The following CDK19 variants were observed in gnomAD, a reference collection of about 807,000 sequenced individuals.
CDK19 encodes cyclin-dependent kinase 19.
A neutral mutation model predicts 68.3 loss-of-function variants in CDK19; 20 were observed. That is an observed-to-expected ratio of 0.29 (90% CI 0.21 to 0.43). The LOEUF is 0.43. CDK19 is among the 20% of genes least tolerant of loss of function. CDK19 has a pLI of 1.00. For missense variants in CDK19, 339 were observed against 623.5 expected (o/e 0.54, Z 4.86); for synonymous variants, 221 against 222.8 (o/e 0.99, Z 0.07).
At chr6:110,747,896 C>T (rs1778191479) in intron 1 of CDK19, among the ~76,000 whole-genome samples, 1 of 152,180 alleles carries the variant, frequency 6.6e-6, no homozygotes, top group Non-Finnish European at 1.5e-5. Context: ...AGTGTCCCTC[C>T]TGTGCCTTAA....
At chr6:110,804,781 C>A (rs568715078) in intron 1 of CDK19, among the ~76,000 whole-genome samples, 1 of 150,784 alleles carries the variant, frequency 6.6e-6, no homozygotes, top group South Asian at 2.1e-4. Context: ...CGGTGAAACC[C>A]CGTCGCTACT....
At chr6:110,745,009 T>C (rs1777973025) in intron 2 of CDK19, among the ~76,000 whole-genome samples, 3 of 152,238 alleles carry the variant, frequency 2.0e-5, no homozygotes, top group Admixed American at 1.3e-4. Context: ...AATATAATTA[T>C]TTAACAATTA....
intron 2 of CDK19, among the ~76,000 whole-genome samples, chr6:110,690,311 G>A (rs188808422): frequency 4.4e-4 from 66 of 149,680 alleles, no homozygotes; most frequent in South Asian, 3.2e-3. Context: ...ATGAAGAAGC[G>A]CCCATCTGAT....
Position 110,635,759 on chromosome 6 carries a change from G to A in CDK19, c.514+2890C>T, listed in dbSNP as rs1031115332. ...TTCACCATGTTGGCCAGATGGTCTCGATCTCTTGACCTCATGATCTGCCCG... is the reference window on the plus strand; with the variant it reads ...TTCACCATGTTGGCCAGATGGTCTCAATCTCTTGACCTCATGATCTGCCCG... On this transcript the variant is annotated intron_variant, in intron 5 of 12. Coordinates refer to ENST00000368911, the MANE Select transcript of CDK19 (RefSeq NM_015076.5). Among the ~76,000 whole-genome samples, 24 of 152,202 alleles carry A rather than the reference G, an allele frequency of 1.6e-4. No individual in the cohort carries two copies. The Middle Eastern group carries it at 0.01, about 65-fold the overall frequency.
chr6:110,740,619 C>T (rs1348346517), intron 2 of CDK19, among the ~76,000 whole-genome samples: 1 of 152,140 alleles, frequency 6.6e-6, no homozygotes, highest in Non-Finnish European at 1.5e-5. Flanking sequence ...AACTTATTTT[C>T]CCAGCATCCC....
chr6:110,773,420 CT>C (rs1283882094), intron 1 of CDK19, among the ~76,000 whole-genome samples: 2 of 152,090 alleles, frequency 1.3e-5, no homozygotes, highest in Non-Finnish European at 2.9e-5. Flanking sequence ...CAAATGGGAC[CT>C]ATAGCATGAA....
chr6:110,705,857 G>C (rs1422519058), intron 2 of CDK19, among the ~76,000 whole-genome samples: 1 of 152,124 alleles, frequency 6.6e-6, no homozygotes, highest in African/African-American at 2.4e-5. Context: ...CTTGTCAGGG[G>C]TAGGGAGCAG....
chr6:110,787,310 T>C (rs1043585621), intron 1 of CDK19, among the ~76,000 whole-genome samples: 3 of 152,038 alleles, frequency 2.0e-5, no homozygotes, highest in Admixed American at 6.6e-5. Context: ...GGAGGCAGAG[T>C]TTGCAGTGAG....
intron 12 of CDK19, among the ~76,000 whole-genome samples, chr6:110,619,750 G>C (rs1450509963): frequency 1.3e-5 from 2 of 151,840 alleles, no homozygotes; most frequent in African/African-American, 4.8e-5. Flanking sequence ...CTGCTCTTTG[G>C]CTATACCTCT....
Position 110,610,501 on chromosome 6 carries a change from T to C in CDK19, c.*4034A>G, listed in dbSNP as rs921088494. On this transcript the variant is annotated 3_prime_UTR_variant, in exon 13 of 13. Coordinates refer to ENST00000368911, the MANE Select transcript of CDK19 (RefSeq NM_015076.5). Reference sequence around the variant, plus strand: ...AGGGTTTTTTTTTTTATATAATACATACATATCACCCCTTTGCAGTGATAG... The same window carrying C: ...AGGGTTTTTTTTTTTATATAATACACACATATCACCCCTTTGCAGTGATAG... The C allele has an allele frequency of 2.0e-5, 3 of 152,300 alleles. No individual in the cohort carries two copies. Among genetic ancestry groups the C allele is most frequent in the African/African-American group, 7.3e-5 (3 of 41,358 alleles). 9.4% of individuals were successfully genotyped at this position (152,300 alleles called of 1,614,324 possible).
intron 4 of CDK19, among the ~76,000 whole-genome samples, chr6:110,660,802 T>C (rs1169585263): frequency 1.3e-5 from 2 of 152,152 alleles, no homozygotes; most frequent in Admixed American, 1.3e-4. Context: ...GGGCACAGGA[T>C]GGGGAGCAGG....
intron 4 of CDK19, among the ~76,000 whole-genome samples, chr6:110,653,708 T>G (rs1462400841): frequency 1.3e-5 from 2 of 152,242 alleles, no homozygotes; most frequent in African/African-American, 4.8e-5. Flanking sequence ...GGAAATAATG[T>G]GATAAGTAAT....
At chr6:110,646,414 CATGGCCTT>C in intron 4 of CDK19, 2 of 1,491,436 alleles carry the variant, frequency 1.3e-6, no homozygotes, top group Non-Finnish European at 1.8e-6. Flanking sequence ...CGGGCGGCGA[CATGGCCTT>C]CCCGCGCCGC....
chr6:110,677,491 G>A (rs1369388835), intron 2 of CDK19, among the ~76,000 whole-genome samples: 4 of 151,706 alleles, frequency 2.6e-5, no homozygotes, highest in African/African-American at 9.7e-5. Flanking sequence ...GCATGAACCT[G>A]GGAGGCGGAG....
rs1782011346 is a variant in CDK19, at chr6:110,667,417, A to G, written c.456+17T>C. The stretch of plus-strand genomic sequence containing the variant: ...TAGGGAAAAACATATTGATGAATTT[A>G]AAAGAAAAATACTTACCAAGTCTCT... On this transcript the variant is annotated intron_variant, in intron 4 of 12. Coordinates refer to ENST00000368911, the MANE Select transcript of CDK19 (RefSeq NM_015076.5). 1.3e-6 allele frequency: 2 copies of G among 1,514,602 alleles called. No homozygotes were observed. Among genetic ancestry groups the G allele is most frequent in the Non-Finnish European group, 1.8e-6 (2 of 1,118,380 alleles). The allele number at this position is 1,514,602 out of a possible 1,614,324, so 93.8% of individuals were successfully genotyped here.
At chr6:110,633,013 G>A (rs1481251714) in intron 5 of CDK19, among the ~76,000 whole-genome samples, 1 of 151,930 alleles carries the variant, frequency 6.6e-6, no homozygotes, top group Non-Finnish European at 1.5e-5. Context: ...GAGGTCAAGA[G>A]ACCAAGACCA....
intron 3 of CDK19, among the ~76,000 whole-genome samples, chr6:110,669,956 G>A (rs1228313908): frequency 1.3e-5 from 2 of 151,868 alleles, no homozygotes; most frequent in African/African-American, 2.4e-5. Flanking sequence ...TTGGGAGTTC[G>A]AGACCAGCCT....
chr6:110,618,819 A>T (rs1212087824), intron 12 of CDK19, among the ~76,000 whole-genome samples: 1 of 105,030 alleles, frequency 9.5e-6, no homozygotes, highest in Non-Finnish European at 1.8e-5. Context: ...CTTTGCAGAC[A>T]GCCCCTCCCT....
chr6:110,711,574 C>A (rs1421012217), intron 2 of CDK19, among the ~76,000 whole-genome samples: 1 of 152,090 alleles, frequency 6.6e-6, no homozygotes, highest in Non-Finnish European at 1.5e-5. Context: ...AAAAAAATCG[C>A]TGGAAGACAA....
Sources: gnomAD v4.1 joint callset for allele counts (sites outside exome capture counted in the v4.1 genomes callset) on GRCh38, gnomAD v4.1.1 for gene constraint, MANE v1.5 for transcripts, NCBI Gene and HGNC (gene_info 2026-07-23, HGNC 2026-07-21) for gene names.